The following ASXL3 variants were observed in gnomAD, a reference collection of about 807,000 sequenced individuals.
ASXL3 encodes the protein putative Polycomb group protein ASXL3.
Under a neutral mutation model 170.6 loss-of-function variants are expected in ASXL3, and 34 were observed. The ratio of observed to expected loss-of-function variants is 0.20; its 90% CI spans 0.15 to 0.27. The LOEUF is 0.27. Among genes scored for constraint, ASXL3 ranks in the 10% least tolerant of loss-of-function variants. ASXL3 has a pLI of 1.00. For missense variants in ASXL3, 2,592 were observed against 2,695.3 expected, an observed-to-expected ratio of 0.96 and a Z score of 0.85; for synonymous variants, 1,002 against 989.1, an observed-to-expected ratio of 1.01 and a Z score of -0.24.
chr18:33,650,001 C>G (rs2065973174), intron 4 of ASXL3, among the ~76,000 whole-genome samples: 1 of 151,980 alleles, frequency 6.6e-6, no homozygotes, highest in Non-Finnish European at 1.5e-5. Flanking sequence ...AATTCAGCAC[C>G]CCTCCATTTG....
chr18:33,587,637 C>T (rs866322880), intron 1 of ASXL3, among the ~76,000 whole-genome samples: 1 of 152,144 alleles, frequency 6.6e-6, no homozygotes, highest in African/African-American at 2.4e-5. Flanking sequence ...TATCTTCTCC[C>T]TGTCATTCTT....
intron 1 of ASXL3, among the ~76,000 whole-genome samples, chr18:33,600,777 A>G (rs996646430): frequency 1.3e-5 from 2 of 152,166 alleles, no homozygotes; most frequent in African/African-American, 4.8e-5. Flanking sequence ...TTGAAACTCC[A>G]AAAACCATGT....
rs9963906 is a variant in ASXL3 at position 33,609,560 on chromosome 18, G to A, written c.137+1884G>A. Among the ~76,000 whole-genome samples, 298 of 152,006 alleles carry A rather than the reference G, an allele frequency of 2.0e-3. 1 individual carries two copies. Among genetic ancestry groups the A allele is most frequent in the African/African-American group, 6.9e-3 (285 of 41,498 alleles). ...AGAATGGTATATAAGAGGGCTTTCA[G>A]CATGCATAGTTAACAAATACAAACA... On this transcript the variant is annotated intron_variant, in intron 2 of 11. Coordinates refer to ENST00000269197, the MANE Select transcript of ASXL3 (RefSeq NM_030632.3).
chr18:33,638,191 TATATCTTATTTATG>T (rs1281391959), intron 2 of ASXL3, among the ~76,000 whole-genome samples: 1 of 150,220 alleles, frequency 6.7e-6, no homozygotes, highest in East Asian at 1.9e-4. Flanking sequence ...TATGTGTATA[TATATCTTATTTATG>T]ATATATATAT....
intron 1 of ASXL3, among the ~76,000 whole-genome samples, chr18:33,597,525 A>C (rs1197089770): frequency 6.6e-6 from 1 of 152,130 alleles, no homozygotes; most frequent in East Asian, 1.9e-4. Context: ...TACATGCAGG[A>C]TAGGCTGTGA....
chr18:33,647,766 A>G (rs957489028), intron 4 of ASXL3, among the ~76,000 whole-genome samples: 2 of 152,108 alleles, frequency 1.3e-5, no homozygotes, highest in Admixed American at 6.6e-5. Context: ...CATGAAGCTT[A>G]TTTTCTTTGA....
chr18:33,601,032 A>C (rs774104444), intron 1 of ASXL3, among the ~76,000 whole-genome samples: 1 of 152,132 alleles, frequency 6.6e-6, no homozygotes, highest in Non-Finnish European at 1.5e-5. Flanking sequence ...ATCTAAAAGC[A>C]TGCCATGAGG....
rs568221465 is a variant in ASXL3 at position 33,676,222 on chromosome 18, C to CAAAAAAAAAAAA, written c.715+4370_715+4381dup. Among the ~76,000 whole-genome samples the CAAAAAAAAAAAA allele has an allele frequency of 2.1e-3, 86 of 41,722 alleles. 5 individuals carry two copies. The highest frequency in any genetic ancestry group is 6.6e-3 in the African/African-American group (68 of 10,252). 27.4% of individuals were successfully genotyped at this position (41,722 alleles called of 152,430 possible). A position where few individuals can be genotyped will look rare whatever the true frequency, so the allele number is the denominator to read the frequency against. ...CTGGGTGACGAGCGAGACTCCGTCT[C>CAAAAAAAAAAAA]AAAAAAAAAAAAAAAAAAAAAAAAA... On this transcript the variant is annotated intron_variant, in intron 7 of 11. Coordinates refer to ENST00000269197, the MANE Select transcript of ASXL3 (RefSeq NM_030632.3).
chr18:33,651,843 T>A (rs1319973249), intron 4 of ASXL3, among the ~76,000 whole-genome samples: 1 of 152,098 alleles, frequency 6.6e-6, no homozygotes, highest in Non-Finnish European at 1.5e-5. Context: ...AGGGAAACAT[T>A]CTTTTAAAAT....
Position 33,744,327 on chromosome 18 carries a change from C to G in ASXL3, c.4479C>G (p.Ser1493Arg). ...TGTCTCTGACTGTCTCCGTTGAAAG[C>G]TCAGAAGCCAGCTTGGACCTGCAGG... ...SSLSLTVSVE[S>R]SEASLDLQGR... The change falls in exon 12 of 12, where the codon AGC becomes AGG. Residue 1493 changes from serine (S) to arginine (R), a missense_variant. Ser to Arg is a moderately radical substitution (Grantham distance 110). Transcript: ENST00000269197. 1.9e-6 allele frequency: 3 copies of G among 1,614,018 alleles called. No homozygotes were observed. In the South Asian group the frequency reaches 3.3e-5, roughly 18 times the overall value.
chr18:33,582,027 A>G (rs1360438859), intron 1 of ASXL3, among the ~76,000 whole-genome samples: 1 of 151,966 alleles, frequency 6.6e-6, no homozygotes, highest in African/African-American at 2.4e-5. Context: ...TAGTTGTGTT[A>G]CTTTGCGCAT....
At position 33,744,313 on chromosome 18, in the gene ASXL3, G is replaced by C. The variant is rs576992025; in HGVS notation, c.4465G>C (p.Val1489Leu). 3.7e-6 allele frequency: 6 copies of C among 1,614,032 alleles called. No homozygotes were observed. The African/African-American group carries it at 5.3e-5, about 14-fold the overall frequency. Residue 1489 changes from valine (V) to leucine (L), a missense_variant, in exon 12 of 12, where the codon GTC (valine) becomes CTC (leucine). Val to Leu is a conservative substitution (Grantham distance 32). This residue lies in a region of ASXL3 where 2,246 missense variants were observed against 2,219.6 expected (regional missense o/e 1.01). Coordinates refer to ENST00000269197, the MANE Select transcript of ASXL3 (RefSeq NM_030632.3). The stretch of plus-strand genomic sequence containing the variant: ...GCTGACCTCCAGTTTGTCTCTGACT[G>C]TCTCCGTTGAAAGCTCAGAAGCCAG... ...TTLTSSLSLT[V>L]SVESSEASLD...
chr18:33,722,451 A>T (rs544251773), intron 8 of ASXL3, among the ~76,000 whole-genome samples: 1 of 152,266 alleles, frequency 6.6e-6, no homozygotes, highest in Non-Finnish European at 1.5e-5. Context: ...AGGAAGTTTT[A>T]GTGGTCTGGC....
Position 33,749,587 on chromosome 18 carries a change from C to T in ASXL3, c.*2992C>T, listed in dbSNP as rs2067852669. 6.6e-6 allele frequency: 1 copy of T among 151,920 alleles called. No homozygotes were observed. The highest frequency in any genetic ancestry group is 6.6e-5 in the Admixed American group (1 of 15,246). The allele number at this position is 151,920 out of a possible 1,614,324, so 9.4% of individuals were successfully genotyped here. On this transcript the variant is annotated 3_prime_UTR_variant, in exon 12 of 12. Transcript: ENST00000269197. ...AAAGACATTTAGGTTAGTTAATGGGCATGTTAATAAGAGCATTGTGATGCA... is the reference window on the plus strand; with the variant it reads ...AAAGACATTTAGGTTAGTTAATGGGTATGTTAATAAGAGCATTGTGATGCA...
At chr18:33,716,019 TAA>T (rs1295594490) in intron 8 of ASXL3, among the ~76,000 whole-genome samples, 1 of 152,180 alleles carries the variant, frequency 6.6e-6, no homozygotes, top group Non-Finnish European at 1.5e-5. Context: ...AGCATTTGAA[TAA>T]AGTCTCAATG....
intron 7 of ASXL3, among the ~76,000 whole-genome samples, chr18:33,682,967 G>A (rs1291130108): frequency 2.6e-5 from 4 of 152,140 alleles, no homozygotes; most frequent in African/African-American, 9.7e-5. Context: ...GGAACACACA[G>A]CTATTTTTGC....
chr18:33,739,698 C>G lies in ASXL3; in HGVS notation c.2294C>G (p.Ala765Gly), dbSNP rs570492902. The G allele has an allele frequency of 2.8e-5, 45 of 1,613,928 alleles. No homozygotes were observed. In the South Asian group the frequency reaches 4.8e-4, roughly 17 times the overall value. Residue 765 changes from alanine (A) to glycine (G), a missense_variant, in exon 11 of 12, where the codon GCA becomes GGA. By Grantham distance (60) the Ala-to-Gly change is moderately conservative. Around this residue, in one of 4 missense-constraint regions of ASXL3, gnomAD observed 2,246 missense variants for 2,219.6 expected, o/e 1.01. Coordinates refer to ENST00000269197, the MANE Select transcript of ASXL3 (RefSeq NM_030632.3). The part of the protein sequence containing the change: ...ISNSSINERM[A>G]HQQRKSPSVS... ...AACTCTTCCATAAATGAGAGAATGG[C>G]ACATCAGCAAAGAAAGTCACCTTCT...
intron 9 of ASXL3, among the ~76,000 whole-genome samples, chr18:33,733,971 G>T (rs972105428): frequency 6.6e-6 from 1 of 151,920 alleles, no homozygotes; most frequent in African/African-American, 2.4e-5. Flanking sequence ...ATTTCCAGCA[G>T]ACTGATTTCC....
At chr18:33,688,912 G>A (rs981838023) in intron 8 of ASXL3, among the ~76,000 whole-genome samples, 1 of 152,146 alleles carries the variant, frequency 6.6e-6, no homozygotes, top group African/African-American at 2.4e-5. Context: ...AAAATGTGAA[G>A]GCATATTTGA....
Sources: gnomAD v4.1 joint callset for allele counts (sites outside exome capture counted in the v4.1 genomes callset) on GRCh38, gnomAD v4.1.1 for gene constraint, gnomAD v4.1.1 regional missense constraint, MANE v1.5 for transcripts, NCBI Gene and HGNC (gene_info 2026-07-23, HGNC 2026-07-21) for gene names.